The following TLL2 variants were observed in gnomAD, a reference collection of about 807,000 sequenced individuals.
The protein encoded by TLL2 is tolloid like 2.
Under a neutral mutation model 123.0 loss-of-function variants are expected in TLL2, and 106 were observed. The ratio of observed to expected loss-of-function variants is 0.86; its 90% CI spans 0.74 to 1.01. The LOEUF is 1.01. Ranked by LOEUF, TLL2 falls within the 50% of genes least tolerant of loss-of-function variation. TLL2 has a pLI of 0.00. For missense variants in TLL2, 1,332 were observed against 1,336.7 expected, an observed-to-expected ratio of 1.00 and a Z score of 0.06; for synonymous variants, 494 against 516.8, an observed-to-expected ratio of 0.96 and a Z score of 0.60.
At chr10:96,403,099 C>T (rs1846411433) in intron 10 of TLL2, among the ~76,000 whole-genome samples, 2 of 152,158 alleles carry the variant, frequency 1.3e-5, no homozygotes, top group African/African-American at 4.8e-5. Context: ...GAGGACAATA[C>T]ACTCTCAGCT....
rs940435563 is a variant in TLL2, at chr10:96,455,921, C to T, written c.287-9753G>A. Among the ~76,000 whole-genome samples, 3 of 152,222 alleles carry T rather than the reference C, an allele frequency of 2.0e-5. No individual in the cohort carries two copies. The East Asian group carries it at 5.8e-4, about 29-fold the overall frequency. ...GCACCCCTTTCCAGTAACATAATGG[C>T]TTCCAAATTGCAGGCTAGAGCTTCA... On this transcript the variant is annotated intron_variant, in intron 2 of 20. Transcript: ENST00000357947.
chr10:96,413,265 C>G lies in TLL2; in HGVS notation c.975G>C (p.Arg325Ser). ...GCCGCACGCGCTGGCCAATGGTTGGCCTGACGCCATTGTCATCTTGACGGG... is the reference window on the plus strand; with the variant it reads ...GCCGCACGCGCTGGCCAATGGTTGGGCTGACGCCATTGTCATCTTGACGGG... ...ILPRQDDNGV[R>S]PTIGQRVRLS... is the part of the protein sequence containing the mutation. Residue 325 changes from arginine to serine, a missense_variant, in exon 8 of 21, where the codon AGG becomes AGC. By Grantham distance (110) the Arg-to-Ser change is moderately radical. Transcript: ENST00000357947. 1.2e-6 allele frequency: 2 copies of G among 1,614,118 alleles called. No individual in the cohort carries two copies. Among genetic ancestry groups the G allele is most frequent in the Non-Finnish European group, 8.5e-7 (1 of 1,179,972 alleles).
intron 19 of TLL2, among the ~76,000 whole-genome samples, chr10:96,371,718 CTGGGCCCCG>C (rs1846086731): frequency 6.6e-6 from 1 of 152,250 alleles, no homozygotes; most frequent in African/African-American, 2.4e-5. Flanking sequence ...CCCCACCTGC[CTGGGCCCCG>C]TGAGACAGAC....
intron 2 of TLL2, among the ~76,000 whole-genome samples, chr10:96,475,931 C>T (rs1847239445): frequency 6.6e-6 from 1 of 152,054 alleles, no homozygotes; most frequent in South Asian, 2.1e-4. Context: ...CCTGCACAAG[C>T]TCTCCTTGCC....
At chr10:96,396,122 G>C in intron 11 of TLL2, 102 bp from the exon 12 acceptor site, 1 of 1,398,690 alleles carries the variant, frequency 7.1e-7, no homozygotes. Flanking sequence ...GCCACCACTA[G>C]GTGGCTCCGC....
intron 2 of TLL2, among the ~76,000 whole-genome samples, chr10:96,478,406 A>T (rs1270383103): frequency 2.6e-5 from 4 of 152,192 alleles, no homozygotes; most frequent in Admixed American, 1.3e-4. Flanking sequence ...TGGTACAACC[A>T]CTTTGGAGAA....
chr10:96,492,982 C>A (rs777352235), intron 1 of TLL2, among the ~76,000 whole-genome samples: 1 of 152,224 alleles, frequency 6.6e-6, no homozygotes, highest in Non-Finnish European at 1.5e-5. Flanking sequence ...CCTTCCATCA[C>A]GTCCCCATTG....
chr10:96,500,198 G>T (rs1847521634), intron 1 of TLL2, among the ~76,000 whole-genome samples: 1 of 147,802 alleles, frequency 6.8e-6, no homozygotes, highest in Non-Finnish European at 1.5e-5. Flanking sequence ...CACACCTATA[G>T]TCCCAGCTAC....
At position 96,379,036 on chromosome 10, in the gene TLL2, A is replaced by C. The variant is rs756729287; in HGVS notation, c.2251T>G (p.Phe751Val). The change falls in exon 17 of 21, where the codon TTC becomes GTC. Residue 751 changes from phenylalanine to valine, a missense_variant. Physicochemically the swap from Phe to Val is conservative, Grantham distance 50. Coordinates refer to ENST00000357947, the MANE Select transcript of TLL2 (RefSeq NM_012465.4). ...GGCQHECVNTFGSYLCRCRNG... is the reference protein window; with the variant it reads ...GGCQHECVNTVGSYLCRCRNG... ...CTGCACCTGCACAGGTAGCTCCCGA[A>C]GGTGTTGACGCACTCATGCTGACAC... The C allele has an allele frequency of 1.9e-6, 3 of 1,614,164 alleles. No homozygotes were observed. In the South Asian group the frequency reaches 3.3e-5, roughly 18 times the overall value.
chr10:96,470,502 A>G (rs11188778), intron 2 of TLL2, among the ~76,000 whole-genome samples: 24,071 of 152,236 alleles, frequency 0.16, 2,282 homozygotes, highest in East Asian at 0.29. Context: ...AAATAATAGC[A>G]GGCAGGATGA....
chr10:96,493,721 A>G (rs1286470530), intron 1 of TLL2, among the ~76,000 whole-genome samples: 1 of 152,062 alleles, frequency 6.6e-6, no homozygotes, highest in Non-Finnish European at 1.5e-5. Flanking sequence ...CCTTCCATGC[A>G]CACATCCTCC....
intron 5 of TLL2, among the ~76,000 whole-genome samples, chr10:96,423,085 G>A (rs1846641756): frequency 6.9e-6 from 1 of 145,898 alleles, no homozygotes; most frequent in African/African-American, 2.6e-5. Context: ...CCAAGATCAC[G>A]CCACTGCACT....
chr10:96,471,131 G>A (rs747550670), intron 2 of TLL2, among the ~76,000 whole-genome samples: 1 of 151,722 alleles, frequency 6.6e-6, no homozygotes, highest in Non-Finnish European at 1.5e-5. Context: ...CCCCTGAGTA[G>A]CTGGGATTAC....
intron 4 of TLL2, 38 bp from the exon 5 acceptor site, chr10:96,428,786 G>T: frequency 1.5e-6 from 2 of 1,342,394 alleles, no homozygotes. Flanking sequence ...TCAATGATGG[G>T]TCCATATTTT....
chr10:96,475,358 A>G (rs1847228848), intron 2 of TLL2, among the ~76,000 whole-genome samples: 1 of 152,244 alleles, frequency 6.6e-6, no homozygotes, highest in African/African-American at 2.4e-5. Context: ...CCATTGGCAC[A>G]GAAAGACTCC....
intron 15 of TLL2, 98 bp from the exon 16 acceptor site, chr10:96,384,865 C>T (rs1255663767): frequency 4.1e-6 from 5 of 1,220,896 alleles, no homozygotes; most frequent in South Asian, 3.7e-5. Flanking sequence ...CTCACCCTAC[C>T]GTGTGTGGCG....
intron 2 of TLL2, among the ~76,000 whole-genome samples, chr10:96,454,001 G>A (rs916662609): frequency 7.3e-6 from 1 of 136,918 alleles, no homozygotes; most frequent in Non-Finnish European, 1.6e-5. Context: ...GCATTTTGTA[G>A]TGTGCGCCTG....
chr10:96,416,945 T>A lies in TLL2; in HGVS notation c.924-3629A>T, dbSNP rs118057405. 5.3e-5 allele frequency among the ~76,000 whole-genome samples: 8 copies of A among 152,258 alleles called. No individual in the cohort carries two copies. The East Asian group carries it at 1.5e-3, about 29-fold the overall frequency. On this transcript the variant is annotated intron_variant, in intron 7 of 20. Transcript: ENST00000357947. ...CCTGTACAAGAGAACTGTCTCCTCA[T>A]CTCCTGGATCTTTGCCCAGCAAAAC...
chr10:96,455,983 T>C (rs1211335677), intron 2 of TLL2, among the ~76,000 whole-genome samples: 2 of 152,228 alleles, frequency 1.3e-5, no homozygotes, highest in African/African-American at 4.8e-5. Flanking sequence ...TTATTTTGTA[T>C]GTGCCAAGGA....
Sources: allele counts gnomAD v4.1 joint callset (sites outside exome capture counted in the v4.1 genomes callset), GRCh38; gene constraint gnomAD v4.1.1; transcripts MANE v1.5; gene names NCBI Gene and HGNC (gene_info 2026-07-23, HGNC 2026-07-21).